The following C7 variants were observed in gnomAD, a reference collection of about 807,000 sequenced individuals.
C7 encodes the protein complement C7.
In C7, 83 loss-of-function variants were observed where a neutral mutation model predicts 104.8. The observed-to-expected ratio is 0.79, with a 90% CI of 0.66 to 0.95. C7 has a LOEUF of 0.95. Among genes scored for constraint, C7 ranks in the 40% least tolerant of loss-of-function variants. The pLI, the probability that C7 is intolerant of heterozygous loss-of-function variation, is 0.00. For missense variants in C7, 1,070 were observed against 1,011.2 expected, an observed-to-expected ratio of 1.06 and a Z score of -0.79; for synonymous variants, 415 against 360.6, an observed-to-expected ratio of 1.15 and a Z score of -1.71.
intron 6 of C7, among the ~76,000 whole-genome samples, chr5:40,944,009 T>C (rs988869707): frequency 3.3e-5 from 5 of 152,364 alleles, no homozygotes; most frequent in Non-Finnish European, 5.9e-5. Context: ...TCTTATTTAA[T>C]GTGACAACAT....
intron 14 of C7, among the ~76,000 whole-genome samples, chr5:40,970,427 G>GTCTCA (rs1209624458): frequency 6.6e-6 from 1 of 151,974 alleles, no homozygotes; most frequent in East Asian, 1.9e-4. Flanking sequence ...GCTAATGAAT[G>GTCTCA]TAATTGAGTA....
rs780996218 is a variant in C7, at chr5:40,959,552, T to G, written c.1593T>G (p.Gly531=). 3 of 1,610,152 alleles carry G rather than the reference T, an allele frequency of 1.9e-6. No individual in the cohort carries two copies. In the East Asian group the frequency reaches 6.7e-5, roughly 36 times the overall value. The part of the protein sequence containing the change: ...RECNNPPPSG[G]GRSCVGETTE... ...GCAATAACCCACCTCCCAGTGGGGG[T>G]GGGAGATCCTGCGTTGGAGAAACGA... The change falls in exon 12 of 18, where the codon GGT becomes GGG. Residue 531 remains glycine (G), a synonymous_variant. Coordinates refer to ENST00000313164, the MANE Select transcript of C7 (RefSeq NM_000587.4).
intron 13 of C7, among the ~76,000 whole-genome samples, chr5:40,963,352 T>A (rs1274535989): frequency 6.6e-6 from 1 of 152,242 alleles, no homozygotes; most frequent in Non-Finnish European, 1.5e-5. Context: ...CAGCCGCATT[T>A]GTGCACTGTT....
At chr5:40,936,959 T>C (rs1233424806) in intron 5 of C7, among the ~76,000 whole-genome samples, 1 of 152,068 alleles carries the variant, frequency 6.6e-6, no homozygotes, top group Non-Finnish European at 1.5e-5. Context: ...TGTTTCCAAG[T>C]GAAGGTTGGA....
chr5:40,914,584 T>C (rs1739281088), intron 1 of C7, among the ~76,000 whole-genome samples: 1 of 152,214 alleles, frequency 6.6e-6, no homozygotes, highest in Non-Finnish European at 1.5e-5. Flanking sequence ...TTCTAGTGTT[T>C]TTATAGTTTC....
intron 15 of C7, among the ~76,000 whole-genome samples, chr5:40,974,350 T>G (rs1740766745): frequency 6.6e-6 from 1 of 152,072 alleles, no homozygotes; most frequent in Admixed American, 6.5e-5. Flanking sequence ...TATGTTCTTC[T>G]TAAATGCAAA....
chr5:40,952,669 G>A (rs1357849849), intron 9 of C7, among the ~76,000 whole-genome samples: 11 of 146,098 alleles, frequency 7.5e-5, no homozygotes, highest in Admixed American at 5.4e-4. Context: ...TACAGGCCCC[G>A]GTGTGTGATG....
At chr5:40,939,003 C>T (rs1240638725) in intron 6 of C7, among the ~76,000 whole-genome samples, 1 of 152,154 alleles carries the variant, frequency 6.6e-6, no homozygotes, top group African/African-American at 2.4e-5. Flanking sequence ...TCTCGTCTTT[C>T]AAGATCCCCT....
chr5:40,963,378 A>C (rs1308716871), intron 13 of C7, among the ~76,000 whole-genome samples: 1 of 152,190 alleles, frequency 6.6e-6, no homozygotes, highest in African/African-American at 2.4e-5. Flanking sequence ...AGACTTCCTC[A>C]TATGAAAGTT....
At chr5:40,923,202 G>A (rs1315926816) in intron 1 of C7, among the ~76,000 whole-genome samples, 1 of 152,130 alleles carries the variant, frequency 6.6e-6, no homozygotes, top group Non-Finnish European at 1.5e-5. Flanking sequence ...ACATACAAAT[G>A]GCTAACAGGT....
chr5:40,918,974 A>ACACG (rs1441573042), intron 1 of C7, among the ~76,000 whole-genome samples: 3 of 151,670 alleles, frequency 2.0e-5, no homozygotes, highest in African/African-American at 7.3e-5. Context: ...ACACACACAC[A>ACACG]CACACACACA....
chr5:40,972,250 T>C (rs1740713454), intron 14 of C7, among the ~76,000 whole-genome samples, 153 bp from the exon 15 acceptor site: 1 of 152,162 alleles, frequency 6.6e-6, no homozygotes, highest in South Asian at 2.1e-4. Context: ...GTGTGACATG[T>C]CTTTCAGTCC....
intron 12 of C7, among the ~76,000 whole-genome samples, chr5:40,960,861 T>C (rs1014759815): frequency 1.2e-4 from 18 of 152,154 alleles, no homozygotes; most frequent in African/African-American, 4.3e-4. Context: ...TTGAAAACCA[T>C]TGTTTAATGA....
chr5:40,944,667 G>C (rs972087803), intron 6 of C7, among the ~76,000 whole-genome samples: 1 of 152,098 alleles, frequency 6.6e-6, no homozygotes, highest in Admixed American at 6.6e-5. Flanking sequence ...AATTCTTTTG[G>C]GGTGACCCTT....
At chr5:40,917,326 A>G (rs1739339615) in intron 1 of C7, among the ~76,000 whole-genome samples, 1 of 152,136 alleles carries the variant, frequency 6.6e-6, no homozygotes, top group South Asian at 2.1e-4. Flanking sequence ...ATTAGACTTC[A>G]ACATTTTTAG....
intron 16 of C7, among the ~76,000 whole-genome samples, chr5:40,979,467 T>C (rs1050621311): frequency 2.6e-5 from 4 of 152,146 alleles, no homozygotes; most frequent in African/African-American, 4.8e-5. Flanking sequence ...CTGTTCTAGA[T>C]AGAACTAGAT....
rs1061429 is a variant in C7 at position 40,981,587 on chromosome 5, C to A, written c.*14C>A. ...GAAACCCAGTAGGCTCCTGGAGGCC[C>A]TGGTCAGCTTGCTTGGAATCCAGCA... On this transcript the variant is annotated 3_prime_UTR_variant, in exon 18 of 18. Coordinates refer to ENST00000313164, the MANE Select transcript of C7 (RefSeq NM_000587.4). 0.42 allele frequency: 665,865 copies of A among 1,589,100 alleles called. 141,032 individuals are homozygous for A. The highest frequency in any genetic ancestry group is 0.52 in the South Asian group (46,082 of 88,716).
At chr5:40,942,672 T>A (rs1739964592) in intron 6 of C7, among the ~76,000 whole-genome samples, 1 of 151,912 alleles carries the variant, frequency 6.6e-6, no homozygotes, top group South Asian at 2.1e-4. Context: ...AGAAATAAAG[T>A]ATTGTTGGCT....
chr5:40,948,475 G>A (rs2111633068), intron 8 of C7, among the ~76,000 whole-genome samples: 1 of 152,248 alleles, frequency 6.6e-6, no homozygotes, highest in Middle Eastern at 3.4e-3. Flanking sequence ...ATTGCAAGGA[G>A]GGTATTTAAG....
Sources: gnomAD v4.1 joint callset for allele counts (sites outside exome capture counted in the v4.1 genomes callset) on GRCh38, gnomAD v4.1.1 for gene constraint, MANE v1.5 for transcripts, NCBI Gene and HGNC (gene_info 2026-07-23, HGNC 2026-07-21) for gene names.